PLEKHG4B: variants seen among roughly 807,000 people sequenced by gnomAD.
The protein encoded by PLEKHG4B is pleckstrin homology domain-containing family G member 4B.
A neutral mutation model predicts 121.3 loss-of-function variants in PLEKHG4B; 111 were observed. The ratio of observed to expected loss-of-function variants is 0.92; its 90% CI spans 0.78 to 1.07. The LOEUF (loss-of-function observed/expected upper bound fraction) is 1.07. Among genes scored for constraint, PLEKHG4B ranks in the 50% least tolerant of loss-of-function variants. PLEKHG4B has a pLI of 0.00. For missense variants in PLEKHG4B, 1,831 were observed against 1,757.8 expected (o/e 1.04, Z -0.74); for synonymous variants, 738 against 725.0 (o/e 1.02, Z -0.29).
Position 143,517 on chromosome 5 carries a change from C to A in PLEKHG4B, c.1811+14C>A. 1 of 1,612,220 alleles carries A rather than the reference C, an allele frequency of 6.2e-7. No individual in the cohort carries two copies. The highest frequency in any genetic ancestry group is 8.5e-7 in the Non-Finnish European group (1 of 1,179,686). On this transcript the variant is annotated intron_variant, in intron 5 of 19. Transcript: ENST00000637938. ...TAGCATCCCCAGGTGGGACGGGGGG[C>A]AAGGCCGCACCCTGCAGACCCATGG...
chr5:180,267 G>T (rs933747108), intron 18 of PLEKHG4B, among the ~76,000 whole-genome samples: 1 of 152,132 alleles, frequency 6.6e-6, no homozygotes, highest in African/African-American at 2.4e-5. Flanking sequence ...CATGAAGTCC[G>T]CCTCAGACCT....
Position 92,175 on chromosome 5 carries a change from A to T in PLEKHG4B, c.-57A>T, listed in dbSNP as rs1223692077. On this transcript the variant is annotated 5_prime_UTR_variant, in exon 1 of 20. Coordinates refer to ENST00000637938, the MANE Select transcript of PLEKHG4B (RefSeq NM_052909.5). Reference sequence around the variant, plus strand: ...CGAAGGCGGCCTCGGCCCAGTGCACAGCGGGACCAGGCAGAGTTCGGGGAA... The same window carrying T: ...CGAAGGCGGCCTCGGCCCAGTGCACTGCGGGACCAGGCAGAGTTCGGGGAA... The T allele has an allele frequency of 2.7e-6, 1 of 367,782 alleles. No individual in the cohort carries two copies. The highest frequency in any genetic ancestry group is 4.8e-6 in the Non-Finnish European group (1 of 206,702). 22.8% of individuals were successfully genotyped at this position (367,782 alleles called of 1,614,324 possible). A position where few individuals can be genotyped will look rare whatever the true frequency, so the allele number is the denominator to read the frequency against.
At position 128,215 on chromosome 5, in the gene PLEKHG4B, C is replaced by A. The variant is rs556466831; in HGVS notation, c.244-11268C>A. ...TGTTAATAGAGAGTCTTTACAGATACAAATTTTCCCCCACCAAGGACAGCT... is the reference window on the plus strand; with the variant it reads ...TGTTAATAGAGAGTCTTTACAGATAAAAATTTTCCCCCACCAAGGACAGCT... On this transcript the variant is annotated intron_variant, in intron 2 of 19. Transcript: ENST00000637938. 2.0e-5 allele frequency among the ~76,000 whole-genome samples: 3 copies of A among 152,298 alleles called. No homozygotes were observed. In the South Asian group the frequency reaches 6.2e-4, roughly 32 times the overall value.
At chr5:150,601 A>G (rs1392639977) in intron 6 of PLEKHG4B, among the ~76,000 whole-genome samples, 2 of 152,228 alleles carry the variant, frequency 1.3e-5, no homozygotes, top group African/African-American at 4.8e-5. Context: ...AAACAACCCA[A>G]TAAAATATGG....
At chr5:93,067 G>A (rs2126320818) in intron 1 of PLEKHG4B, among the ~76,000 whole-genome samples, 1 of 152,230 alleles carries the variant, frequency 6.6e-6, no homozygotes, top group South Asian at 2.1e-4. Context: ...CTCTACTCCT[G>A]TTACCCAACA....
At position 171,145 on chromosome 5, in the gene PLEKHG4B, G is replaced by C; in HGVS notation, c.3819+13G>C. ...CGCCTTCTTCAAGGTCATCCCCCTC[G>C]GCCCGCCCCCCACAGCCTGCCCGGC... On this transcript the variant is annotated intron_variant, in intron 15 of 19. Transcript: ENST00000637938. 1 of 1,610,968 alleles carries C rather than the reference G, an allele frequency of 6.2e-7. No individual in the cohort carries two copies. Among genetic ancestry groups the C allele is most frequent in the Non-Finnish European group, 8.5e-7 (1 of 1,178,462 alleles).
intron 3 of PLEKHG4B, among the ~76,000 whole-genome samples, chr5:142,011 C>G (rs949154033): frequency 1.3e-5 from 2 of 152,182 alleles, no homozygotes; most frequent in African/African-American, 4.8e-5. Flanking sequence ...AGCCACCTCA[C>G]GAGAGCCTTT....
At chr5:166,644 G>T (rs912590258) in intron 13 of PLEKHG4B, among the ~76,000 whole-genome samples, 2 of 152,150 alleles carry the variant, frequency 1.3e-5, no homozygotes, top group African/African-American at 4.8e-5. Context: ...CTCACCTCCT[G>T]CTGGGCGGCC....
Position 124,707 on chromosome 5 carries a change from C to T in PLEKHG4B, c.243+11259C>T, listed in dbSNP as rs751332559. ...TTATCTGACATTAGTATAGTCATTC[C>T]TGCTGTCTCTTGGTTACTATTTGTG... On this transcript the variant is annotated intron_variant, in intron 2 of 19. Transcript: ENST00000637938. Among the ~76,000 whole-genome samples, 8 of 152,220 alleles carry T rather than the reference C, an allele frequency of 5.3e-5. No individual in the cohort carries two copies. In the South Asian group the frequency reaches 1.7e-3, roughly 32 times the overall value.
intron 13 of PLEKHG4B, among the ~76,000 whole-genome samples, chr5:167,584 G>A (rs1736394442): frequency 6.6e-6 from 1 of 152,156 alleles, no homozygotes; most frequent in Non-Finnish European, 1.5e-5. Flanking sequence ...CCATGGCCCT[G>A]GGAAATCTCC....
At chr5:129,326 A>C (rs756299015) in intron 2 of PLEKHG4B, among the ~76,000 whole-genome samples, 3 of 152,212 alleles carry the variant, frequency 2.0e-5, no homozygotes, top group Middle Eastern at 3.4e-3. Context: ...TCTTAACTGG[A>C]GTGTTTCTTT....
chr5:106,222 G>A (rs191899563), intron 1 of PLEKHG4B, among the ~76,000 whole-genome samples: 61 of 152,196 alleles, frequency 4.0e-4, no homozygotes, highest in African/African-American at 1.3e-3. Context: ...GAAAGAACTG[G>A]GCATAGCATA....
intron 2 of PLEKHG4B, among the ~76,000 whole-genome samples, chr5:122,182 G>A (rs1406672870): frequency 4.6e-5 from 7 of 151,906 alleles, no homozygotes; most frequent in African/African-American, 1.7e-4. Flanking sequence ...ATATTCAAGA[G>A]ATAAAATGGA....
At chr5:178,573 G>T (rs1435815128) in intron 18 of PLEKHG4B, among the ~76,000 whole-genome samples, 1 of 152,122 alleles carries the variant, frequency 6.6e-6, no homozygotes, top group Non-Finnish European at 1.5e-5. Context: ...CTCCCATGAT[G>T]ATGTAAATTT....
At chr5:173,385 G>A (rs558987165) in intron 17 of PLEKHG4B, among the ~76,000 whole-genome samples, 27 of 151,916 alleles carry the variant, frequency 1.8e-4, no homozygotes, top group Non-Finnish European at 3.2e-4. Context: ...CCTGGCTCTC[G>A]GAGGTGCACA....
chr5:140,412 G>A lies in PLEKHG4B; in HGVS notation c.1173G>A (p.Gly391=), dbSNP rs1735125836. 1.3e-6 allele frequency: 2 copies of A among 1,556,856 alleles called. No homozygotes were observed. The highest frequency in any genetic ancestry group is 8.7e-7 in the Non-Finnish European group (1 of 1,151,318). Residue 391 remains glycine, a synonymous_variant, in exon 3 of 20, where the codon GGG becomes GGA. Transcript: ENST00000637938. ...LTGASRDLGT[G]AVASGTQEET... is the part of the protein sequence containing the mutation. ...GAGCCAGCAGGGACCTGGGGACTGG[G>A]GCAGTAGCCAGTGGGACCCAGGAGG...
intron 18 of PLEKHG4B, among the ~76,000 whole-genome samples, chr5:175,595 G>A (rs1380207551): frequency 2.4e-4 from 36 of 150,182 alleles, no homozygotes; most frequent in African/African-American, 7.6e-4. Context: ...CTGCACGGCT[G>A]CACCCCGCCT....
chr5:98,784 C>T (rs1397632791), intron 1 of PLEKHG4B, among the ~76,000 whole-genome samples: 6 of 141,348 alleles, frequency 4.2e-5, no homozygotes, highest in Non-Finnish European at 7.6e-5. Context: ...ATTACTGTAG[C>T]TTTGTAATAA....
Position 161,831 on chromosome 5 carries a change from A to T in PLEKHG4B, c.2536A>T (p.Thr846Ser). ...LQLAKENPQR[T>S]EEMVQDFRRG... ...GCTGGCGAAGGAGAACCCGCAACGT[A>T]CAGAGGAAATGGTCCAGGATTTCAG... The change falls in exon 12 of 20, where the codon ACA becomes TCA. Residue 846 changes from threonine (T) to serine (S), a missense_variant. Coordinates refer to ENST00000637938, the MANE Select transcript of PLEKHG4B (RefSeq NM_052909.5). 1 of 1,613,922 alleles carries T rather than the reference A, an allele frequency of 6.2e-7. No individual in the cohort carries two copies. Among genetic ancestry groups the T allele is most frequent in the South Asian group, 1.1e-5 (1 of 91,088 alleles).
Sources: allele counts gnomAD v4.1 joint callset (sites outside exome capture counted in the v4.1 genomes callset), GRCh38; gene constraint gnomAD v4.1.1; transcripts MANE v1.5; gene names NCBI Gene and HGNC (gene_info 2026-07-23, HGNC 2026-07-21).